The following CRADD variants were observed in gnomAD, a reference collection of about 807,000 sequenced individuals.
CRADD encodes the protein CARD and death domain containing adaptor protein, also known as death domain-containing protein CRADD.
In CRADD, 9 loss-of-function variants were observed where a neutral mutation model predicts 15.5. That is an observed-to-expected ratio of 0.58 (90% CI 0.35 to 1.01). The LOEUF is 1.01. Ranked by LOEUF, CRADD falls within the 50% of genes least tolerant of loss-of-function variation. The pLI is 0.02. For missense variants in CRADD, 227 were observed against 250.3 expected, an observed-to-expected ratio of 0.91 and a Z score of 0.63; for synonymous variants, 118 against 107.6, an observed-to-expected ratio of 1.10 and a Z score of -0.60.
At chr12:93,756,392 C>G (rs886064320) in intron 2 of CRADD, among the ~76,000 whole-genome samples, 1 of 152,178 alleles carries the variant, frequency 6.6e-6, no homozygotes, top group Admixed American at 6.5e-5. Context: ...AGCACCCTCA[C>G]TAAAAGGAAT....
intron 2 of CRADD, among the ~76,000 whole-genome samples, chr12:93,783,840 T>G (rs900149993): frequency 2.0e-5 from 3 of 152,234 alleles, no homozygotes; most frequent in African/African-American, 7.2e-5. Flanking sequence ...ACATCCCTTG[T>G]GCCACTATTT....
intron 2 of CRADD, among the ~76,000 whole-genome samples, chr12:93,825,291 A>C (rs1957811545): frequency 6.6e-6 from 1 of 152,232 alleles, no homozygotes; most frequent in Non-Finnish European, 1.5e-5. Context: ...ATCATCTAGA[A>C]GAGCACTGAC....
intron 2 of CRADD, among the ~76,000 whole-genome samples, chr12:93,861,085 G>A (rs1346997317): frequency 2.6e-5 from 4 of 152,152 alleles, no homozygotes; most frequent in African/African-American, 7.2e-5. Context: ...TCAAAGAACG[G>A]CGAGGAGTTC....
Position 93,850,348 on chromosome 12 carries a change from G to T in CRADD, c.*77G>T. The T allele has an allele frequency of 6.7e-7, 1 of 1,490,920 alleles. No individual in the cohort carries two copies. The highest frequency in any genetic ancestry group is 8.9e-7 in the Non-Finnish European group (1 of 1,125,910). The allele number at this position is 1,490,920 out of a possible 1,614,324, so 92.4% of individuals were successfully genotyped here. A position where few individuals can be genotyped will look rare whatever the true frequency, so the allele number is the denominator to read the frequency against. ...ATCCTGACTTTCACTCAGAGCAGGTGGTTTTTTGTGTAGGTTTGTTTTTTA... is the reference window on the plus strand; with the variant it reads ...ATCCTGACTTTCACTCAGAGCAGGTTGTTTTTTGTGTAGGTTTGTTTTTTA... On this transcript the variant is annotated 3_prime_UTR_variant, in exon 3 of 3. Coordinates refer to ENST00000332896, the MANE Select transcript of CRADD (RefSeq NM_003805.5). The surrounding 1 kb of genome is among the most constrained non-coding windows in gnomAD (Gnocchi z 4.0).
intron 2 of CRADD, chr12:93,707,709 A>T (rs1955979835): frequency 6.6e-6 from 1 of 152,222 alleles, no homozygotes; most frequent in Non-Finnish European, 1.5e-5. Flanking sequence ...GGGGAGTAGC[A>T]TTATCCTTCA....
chr12:93,763,127 G>C (rs1465258282), intron 2 of CRADD, among the ~76,000 whole-genome samples: 1 of 152,228 alleles, frequency 6.6e-6, no homozygotes, highest in African/African-American at 2.4e-5. Flanking sequence ...CTTGACAGAT[G>C]ACGAGGCTGG....
At chr12:93,727,821 T>C (rs1956396032) in intron 2 of CRADD, among the ~76,000 whole-genome samples, 1 of 152,086 alleles carries the variant, frequency 6.6e-6, no homozygotes, top group Non-Finnish European at 1.5e-5. Flanking sequence ...GATGACGTTC[T>C]TAAGTCTGAA....
intron 2 of CRADD, among the ~76,000 whole-genome samples, chr12:93,844,865 G>C (rs567113391): frequency 5.9e-5 from 9 of 152,292 alleles, no homozygotes; most frequent in African/African-American, 2.2e-4. Context: ...CCCCTCAGAA[G>C]CAGTACTGGA....
At chr12:93,713,785 A>T (rs543429856) in intron 2 of CRADD, among the ~76,000 whole-genome samples, 1 of 152,278 alleles carries the variant, frequency 6.6e-6, no homozygotes, top group East Asian at 1.9e-4. Context: ...ATATCTCATG[A>T]TTTATTTTGA....
intron 2 of CRADD, among the ~76,000 whole-genome samples, chr12:93,822,873 C>T (rs1012020997): frequency 6.6e-6 from 1 of 152,142 alleles, no homozygotes; most frequent in African/African-American, 2.4e-5. Context: ...CAAATTTTTT[C>T]TTTCAAATCT....
chr12:93,877,127 G>T (rs1192595658), intron 2 of CRADD, among the ~76,000 whole-genome samples: 2 of 152,158 alleles, frequency 1.3e-5, no homozygotes, highest in Non-Finnish European at 2.9e-5. Flanking sequence ...GGAGAACCAG[G>T]CAGAGACTCT....
At position 93,775,538 on chromosome 12, in the gene CRADD, G is replaced by A. The variant is rs181311449; in HGVS notation, c.299-74432G>A. ...TTACTAAATAGTGGTGAAAGAGCACGGGTTACTCTATAGTCTGGTGTAGAG... is the reference window on the plus strand; with the variant it reads ...TTACTAAATAGTGGTGAAAGAGCACAGGTTACTCTATAGTCTGGTGTAGAG... On this transcript the variant is annotated intron_variant, in intron 2 of 2. Coordinates refer to ENST00000332896, the MANE Select transcript of CRADD (RefSeq NM_003805.5). Among the ~76,000 whole-genome samples, 487 of 151,734 alleles carry A rather than the reference G, an allele frequency of 3.2e-3. 4 individuals carry two copies. The highest frequency in any genetic ancestry group is 0.027 in the Middle Eastern group (8 of 294).
chr12:93,807,736 T>C (rs1347001709), intron 2 of CRADD, among the ~76,000 whole-genome samples: 1 of 152,006 alleles, frequency 6.6e-6, no homozygotes, highest in Non-Finnish European at 1.5e-5. Context: ...AAGTGGCTTC[T>C]CAAAGGAAGT....
At chr12:93,861,631 C>T (rs1012379684) in intron 2 of CRADD, among the ~76,000 whole-genome samples, 12 of 152,172 alleles carry the variant, frequency 7.9e-5, no homozygotes, top group Non-Finnish European at 1.6e-4. Flanking sequence ...CAGAGCTCCT[C>T]AAGGAGTCCG....
intron 2 of CRADD, among the ~76,000 whole-genome samples, chr12:93,760,726 A>G (rs1956944768): frequency 6.6e-6 from 1 of 152,010 alleles, no homozygotes; most frequent in South Asian, 2.1e-4. Context: ...CACCCACTGC[A>G]TACCAGCACT....
At chr12:93,855,393 G>A (rs1050474328), downstream of CRADD, among the ~76,000 whole-genome samples, 1 of 152,170 alleles carries the variant, frequency 6.6e-6, no homozygotes, top group Non-Finnish European at 1.5e-5. Context: ...CTGCACACCA[G>A]TCACTCCGCT....
intron 2 of CRADD, among the ~76,000 whole-genome samples, chr12:93,683,223 C>T (rs999230463): frequency 3.9e-5 from 6 of 152,134 alleles, no homozygotes; most frequent in Admixed American, 6.5e-5. Flanking sequence ...GCGTAAATCA[C>T]GGTGGGAGTG....
chr12:93,678,559 A>C (rs1955210277), intron 1 of CRADD, among the ~76,000 whole-genome samples: 1 of 152,194 alleles, frequency 6.6e-6, no homozygotes, highest in Admixed American at 6.5e-5. Context: ...GAAACAGAAA[A>C]GATGATTCAT....
intron 2 of CRADD, among the ~76,000 whole-genome samples, chr12:93,705,724 A>C (rs2136847033): frequency 6.6e-6 from 1 of 152,282 alleles, no homozygotes; most frequent in South Asian, 2.1e-4. Context: ...TGATGTTCTC[A>C]CTTAAACGAA....
Sources: gnomAD v4.1 joint callset for allele counts (sites outside exome capture counted in the v4.1 genomes callset) on GRCh38, gnomAD v4.1.1 for gene constraint, Gnocchi (gnomAD v3.1) non-coding constraint, MANE v1.5 for transcripts, NCBI Gene and HGNC (gene_info 2026-07-23, HGNC 2026-07-21) for gene names.